PLXNC1: variants seen among roughly 807,000 people sequenced by gnomAD.
PLXNC1 encodes the protein plexin C1.
A neutral mutation model predicts 178.2 loss-of-function variants in PLXNC1; 75 were observed. That is an observed-to-expected ratio of 0.42 (90% CI 0.35 to 0.51). PLXNC1 has a LOEUF of 0.51. Among genes scored for constraint, PLXNC1 ranks in the 20% least tolerant of loss-of-function variants. PLXNC1 has a pLI of 0.02. For synonymous variants in PLXNC1, 790 were observed against 779.9 expected, an observed-to-expected ratio of 1.01 and a Z score of -0.22; for missense variants, 1,503 against 1,984.4, an observed-to-expected ratio of 0.76 and a Z score of 4.61.
At chr12:94,204,306 C>G (rs1295391690) in intron 4 of PLXNC1, among the ~76,000 whole-genome samples, 1 of 152,198 alleles carries the variant, frequency 6.6e-6, no homozygotes, top group African/African-American at 2.4e-5. Flanking sequence ...AATATGGAAC[C>G]AGCTATGCCT....
intron 9 of PLXNC1, among the ~76,000 whole-genome samples, chr12:94,235,439 A>G (rs775518583): frequency 2.0e-5 from 3 of 152,240 alleles, no homozygotes; most frequent in Non-Finnish European, 4.4e-5. Flanking sequence ...AGACATCAAC[A>G]GTATAAATAT....
chr12:94,177,200 C>CAT (rs1962115444), intron 2 of PLXNC1, among the ~76,000 whole-genome samples: 1 of 11,876 alleles, frequency 8.4e-5, no homozygotes, highest in Non-Finnish European at 1.3e-4. Flanking sequence ...TATATATATA[C>CAT]GTATATATAT....
chr12:94,303,760 C>A lies in PLXNC1; in HGVS notation c.4391C>A (p.Ala1464Glu). 2.1e-6 allele frequency: 3 copies of A among 1,413,724 alleles called. No individual in the cohort carries two copies. Among genetic ancestry groups the A allele is most frequent in the Non-Finnish European group, 2.8e-6 (3 of 1,067,836 alleles). 87.6% of individuals were successfully genotyped at this position (1,413,724 alleles called of 1,614,324 possible). A position where few individuals can be genotyped will look rare whatever the true frequency, so the allele number is the denominator to read the frequency against. Residue 1464 changes from alanine to glutamate, a missense_variant, in exon 29 of 31, where the codon GCA becomes GAA. Physicochemically the swap from Ala to Glu is moderately radical, Grantham distance 107. This residue lies in a region of PLXNC1 where 639 missense variants were observed against 979.7 expected (regional missense o/e 0.65). Coordinates refer to ENST00000258526, the MANE Select transcript of PLXNC1 (RefSeq NM_005761.3). ...SLTEQQLGKEAPTNKLLYAKD... is the reference protein window; with the variant it reads ...SLTEQQLGKEEPTNKLLYAKD... ...TTTTTTTTTTTTTTTCCCCAGGAAG[C>A]ACCAACTAATAAGCTTCTCTATGCC...
At chr12:94,261,038 AATTC>A (rs1964975979) in intron 20 of PLXNC1, among the ~76,000 whole-genome samples, 198 bp downstream of exon 20, 1 of 152,188 alleles carries the variant, frequency 6.6e-6, no homozygotes, top group Non-Finnish European at 1.5e-5. Context: ...ATGCAAATGT[AATTC>A]ATTTAGAATT....
Position 94,255,177 on chromosome 12 carries a change from G to A in PLXNC1, c.2984-16G>A. Reference sequence around the variant, plus strand: ...TTGTTGAGTTAAAATATTGCTCTTGGGATTCTGTTTTGCAGGCTTTGCTGA... The same window carrying A: ...TTGTTGAGTTAAAATATTGCTCTTGAGATTCTGTTTTGCAGGCTTTGCTGA... On this transcript the variant is annotated splice_polypyrimidine_tract_variant and intron_variant, in intron 16 of 30. Transcript: ENST00000258526. The A allele has an allele frequency of 6.3e-7, 1 of 1,589,286 alleles. No homozygotes were observed. The highest frequency in any genetic ancestry group is 8.6e-7 in the Non-Finnish European group (1 of 1,157,380).
intron 21 of PLXNC1, among the ~76,000 whole-genome samples, chr12:94,270,136 C>T (rs989061320): frequency 3.3e-5 from 5 of 152,160 alleles, no homozygotes; most frequent in African/African-American, 7.2e-5. Context: ...CAAGTCATGG[C>T]GGAGATAGAA....
At chr12:94,207,924 T>C (rs192386823) in intron 4 of PLXNC1, among the ~76,000 whole-genome samples, 2 of 148,286 alleles carry the variant, frequency 1.3e-5, no homozygotes, top group South Asian at 2.1e-4. Flanking sequence ...AATTGGCTTA[T>C]TTTTTTTTTT....
At chr12:94,250,327 G>C (rs144481593) in intron 14 of PLXNC1, among the ~76,000 whole-genome samples, 1 of 152,156 alleles carries the variant, frequency 6.6e-6, no homozygotes, top group Non-Finnish European at 1.5e-5. Context: ...TTCAGATGAC[G>C]TCATGAATTT....
rs1555198027 is a variant in PLXNC1, at chr12:94,197,437, T to TCTCTCTCTCTCTCTC, written c.1439+10964_1439+10965insCTCTCTCTCTCTCTC. ...TGATAAAATGATACATTAGGCCCCTTTCTCTCTCTCTCTCTCTCTCTCTGT... is the reference window on the plus strand; with the variant it reads ...TGATAAAATGATACATTAGGCCCCTTCTCTCTCTCTCTCTCTCTCTCTCTCTCTCTCTCTCTCTGT... On this transcript the variant is annotated intron_variant, in intron 4 of 30. Coordinates refer to ENST00000258526, the MANE Select transcript of PLXNC1 (RefSeq NM_005761.3). Among the ~76,000 whole-genome samples, 173 of 148,652 alleles carry TCTCTCTCTCTCTCTC rather than the reference T, an allele frequency of 1.2e-3. 3 individuals carry two copies. The highest frequency in any genetic ancestry group is 4.1e-3 in the African/African-American group (163 of 40,218).
intron 1 of PLXNC1, among the ~76,000 whole-genome samples, chr12:94,157,657 G>A (rs555772320): frequency 6.6e-6 from 1 of 152,274 alleles, no homozygotes; most frequent in East Asian, 1.9e-4. Context: ...GCTACACATA[G>A]TGCTTTCCTT....
chr12:94,180,304 A>T (rs964763825), intron 2 of PLXNC1, among the ~76,000 whole-genome samples: 3 of 152,228 alleles, frequency 2.0e-5, no homozygotes, highest in African/African-American at 7.2e-5. Context: ...TTTTAAGAAC[A>T]TGTTTCATTC....
intron 23 of PLXNC1, among the ~76,000 whole-genome samples, chr12:94,292,851 G>A (rs116528441): frequency 0.026 from 3,924 of 152,104 alleles, 186 homozygotes; most frequent in African/African-American, 0.09. Flanking sequence ...TTGAATTTTC[G>A]GATTAGGGAT....
intron 1 of PLXNC1, among the ~76,000 whole-genome samples, chr12:94,163,802 G>A (rs1592722429): frequency 6.6e-6 from 1 of 152,126 alleles, no homozygotes; most frequent in African/African-American, 2.4e-5. Context: ...TCAGAGAGCT[G>A]CCATAACTTA....
intron 5 of PLXNC1, among the ~76,000 whole-genome samples, chr12:94,215,646 A>G (rs1963626174): frequency 6.6e-6 from 1 of 152,172 alleles, no homozygotes; most frequent in Non-Finnish European, 1.5e-5. Flanking sequence ...ATAGATTCAT[A>G]GAATATAGTG....
chr12:94,261,124 T>G (rs926826479), intron 20 of PLXNC1, among the ~76,000 whole-genome samples: 1 of 151,380 alleles, frequency 6.6e-6, no homozygotes, highest in African/African-American at 2.4e-5. Context: ...GTCAGCCCAT[T>G]TAAGAAAATG....
chr12:94,251,848 C>T (rs12422992), intron 15 of PLXNC1, among the ~76,000 whole-genome samples: 40,461 of 151,884 alleles, frequency 0.27, 6,171 homozygotes, highest in East Asian at 0.46. Context: ...AAAAATTAGC[C>T]GGGCGTGATG....
Position 94,149,982 on chromosome 12 carries a change from G to C in PLXNC1, c.1011G>C (p.Gln337His), listed in dbSNP as rs1391230374. The change falls in exon 1 of 31, where the codon CAG (glutamine) becomes CAC (histidine). Residue 337 changes from glutamine to histidine, a missense_variant. Physicochemically the swap from Gln to His is conservative, Grantham distance 24 (BLOSUM62 0). Coordinates refer to ENST00000258526, the MANE Select transcript of PLXNC1 (RefSeq NM_005761.3). ...ALCLFRMSEI[Q>H]ARAKRVSWDF... ...GCCTCTTCAGAATGAGTGAGATCCAGGCGCGCGCCAAGAGGGTCAGCTGGG... is the reference window on the plus strand; with the variant it reads ...GCCTCTTCAGAATGAGTGAGATCCACGCGCGCGCCAAGAGGGTCAGCTGGG... 1 of 1,595,624 alleles carries C rather than the reference G, an allele frequency of 6.3e-7. No homozygotes were observed. Among genetic ancestry groups the C allele is most frequent in the East Asian group, 2.3e-5 (1 of 44,070 alleles).
intron 21 of PLXNC1, chr12:94,277,646 T>C (rs747879730): frequency 1.3e-5 from 4 of 313,592 alleles, no homozygotes; most frequent in South Asian, 5.3e-5. Flanking sequence ...ACTGGGTTCA[T>C]TGCTGGCAGC....
At chr12:94,232,325 G>A (rs1463232210) in intron 9 of PLXNC1, among the ~76,000 whole-genome samples, 1 of 152,178 alleles carries the variant, frequency 6.6e-6, no homozygotes, top group African/African-American at 2.4e-5. Context: ...CTGACCTCAA[G>A]TGATCTGCCT....
Sources: gnomAD v4.1 joint callset for allele counts (sites outside exome capture counted in the v4.1 genomes callset) on GRCh38, gnomAD v4.1.1 for gene constraint, gnomAD v4.1.1 regional missense constraint, MANE v1.5 for transcripts, NCBI Gene and HGNC (gene_info 2026-07-23, HGNC 2026-07-21) for gene names.